The following PHF12 variants were observed in gnomAD, a reference collection of about 807,000 sequenced individuals.
The protein encoded by PHF12 is PHD factor 1.
Under a neutral mutation model 99.8 loss-of-function variants are expected in PHF12, and 6 were observed. The ratio of observed to expected loss-of-function variants is 0.06; its 90% CI spans 0.03 to 0.12. The LOEUF (loss-of-function observed/expected upper bound fraction) is 0.12. Ranked by LOEUF, PHF12 falls within the 10% of genes least tolerant of loss-of-function variation. The pLI is 1.00. For missense variants in PHF12, 954 were observed against 1,300.1 expected (o/e 0.73, Z 4.09); for synonymous variants, 480 against 514.9 (o/e 0.93, Z 0.92).
chr17:28,914,604 G>A (rs1347747598), intron 7 of PHF12, among the ~76,000 whole-genome samples: 1 of 147,564 alleles, frequency 6.8e-6, no homozygotes, highest in Non-Finnish European at 1.5e-5. Context: ...CCCGGGAGGC[G>A]GAGCTTGCAG....
Position 28,949,868 on chromosome 17 carries a change from C to T in PHF12, c.248+197G>A. 1 of 607,226 alleles carries T rather than the reference C, an allele frequency of 1.6e-6. No homozygotes were observed. Among genetic ancestry groups the T allele is most frequent in the South Asian group, 2.1e-5 (1 of 47,630 alleles). 37.6% of individuals were successfully genotyped at this position (607,226 alleles called of 1,614,324 possible). The stretch of plus-strand genomic sequence containing the variant: ...CCCAACCCCCACCTCGGGGTCCGGA[C>T]CCACCGCTGCTCCTCCCCGCTAAAC... On this transcript the variant is annotated intron_variant, in intron 2 of 14. Coordinates refer to ENST00000332830, the MANE Select transcript of PHF12 (RefSeq NM_001033561.2). The surrounding 1 kb of genome is among the most constrained non-coding windows in gnomAD (Gnocchi z 4.6).
At chr17:28,911,371 T>TA in intron 9 of PHF12, 134 bp from the exon 10 acceptor site, 1 of 1,265,694 alleles carries the variant, frequency 7.9e-7, no homozygotes, top group Non-Finnish European at 1.1e-6. Context: ...CCATAGGCTC[T>TA]GGAACTCCTA....
rs568476064 is a variant in PHF12 at position 28,929,316 on chromosome 17, C to A, written c.249-2253G>T. On this transcript the variant is annotated intron_variant, in intron 2 of 14. Transcript: ENST00000332830. ...GGAGTGCAATGGTGCGATCTTGGCT[C>A]ACTGCAACCTCCGCCTCCCATGTTC... 5.9e-5 allele frequency among the ~76,000 whole-genome samples: 9 copies of A among 151,352 alleles called. No individual in the cohort carries two copies. The South Asian group carries it at 1.7e-3, about 28-fold the overall frequency.
At chr17:28,946,882 T>C (rs1445308154) in intron 2 of PHF12, among the ~76,000 whole-genome samples, 1 of 152,054 alleles carries the variant, frequency 6.6e-6, no homozygotes, top group Non-Finnish European at 1.5e-5. Flanking sequence ...AAATTATCAT[T>C]ATCATGCCTA....
intron 2 of PHF12, among the ~76,000 whole-genome samples, chr17:28,948,838 C>T (rs1247145788): frequency 6.7e-6 from 1 of 148,664 alleles, no homozygotes; most frequent in Non-Finnish European, 1.5e-5. Flanking sequence ...TCCAGTCTGG[C>T]TCCTCTCTCA....
At position 28,950,359 on chromosome 17, in the gene PHF12, C is replaced by G; in HGVS notation, c.67-113G>C. 1 of 1,214,372 alleles carries G rather than the reference C, an allele frequency of 8.2e-7. No homozygotes were observed. 75.2% of individuals were successfully genotyped at this position (1,214,372 alleles called of 1,614,324 possible). ...CCCTCTCCCCCCTTTTGTCCTTCTT[C>G]CTCCCATCCAGGCTGCTCCCAGAAT... On this transcript the variant is annotated intron_variant, in intron 1 of 14. Coordinates refer to ENST00000332830, the MANE Select transcript of PHF12 (RefSeq NM_001033561.2). The surrounding 1 kb of genome is among the most constrained non-coding windows in gnomAD (Gnocchi z 5.7).
chr17:28,910,334 T>C lies in PHF12; in HGVS notation c.2251A>G (p.Lys751Glu). The C allele has an allele frequency of 1.2e-6, 2 of 1,613,872 alleles. No homozygotes were observed. The highest frequency in any genetic ancestry group is 1.7e-5 in the Admixed American group (1 of 60,022). The change falls in exon 11 of 15, where the codon AAG becomes GAG. Residue 751 changes from lysine (K) to glutamate (E), a missense_variant. By Grantham distance (56) the Lys-to-Glu change is moderately conservative (BLOSUM62 1). Coordinates refer to ENST00000332830, the MANE Select transcript of PHF12 (RefSeq NM_001033561.2). ...EINMLDEKLI[K>E]FLALQRIHQL... ...TGTATTCTCTGCAAGGCCAGAAACT[T>C]GATCAGCTTCTCGTCCAGCATATTT...
intron 3 of PHF12, 47 bp downstream of exon 3, chr17:28,926,944 C>T (rs1233444530): frequency 1.9e-6 from 3 of 1,610,170 alleles, no homozygotes; most frequent in African/African-American, 1.3e-5. Flanking sequence ...CATATCAGTG[C>T]TCTGGATCAG....
intron 2 of PHF12, chr17:28,945,469 G>A (rs780804211): frequency 6.6e-6 from 1 of 152,080 alleles, no homozygotes; most frequent in Non-Finnish European, 1.5e-5. Context: ...AATATAACAC[G>A]CGGAGGCAAA....
intron 2 of PHF12, among the ~76,000 whole-genome samples, chr17:28,936,135 A>AC (rs2040504720): frequency 6.6e-6 from 1 of 152,250 alleles, no homozygotes; most frequent in Non-Finnish European, 1.5e-5. Flanking sequence ...CAAGTCATAT[A>AC]CCAGTGTGGT....
intron 11 of PHF12, chr17:28,909,213 A>G (rs567148469): frequency 2.0e-4 from 52 of 266,496 alleles, no homozygotes; most frequent in African/African-American, 1.1e-3. Context: ...AACAGACGGC[A>G]TGGACCAGTG....
intron 12 of PHF12, chr17:28,907,983 C>T: frequency 4.3e-6 from 1 of 231,026 alleles, no homozygotes; most frequent in Non-Finnish European, 8.7e-6. Flanking sequence ...GGGTGCAGAG[C>T]CTAGAAAATC....
chr17:28,925,389 A>G (rs1477870015), intron 3 of PHF12: 6 of 152,272 alleles, frequency 3.9e-5, no homozygotes, highest in African/African-American at 1.4e-4. Flanking sequence ...ACTACGAATC[A>G]TGATAGGGCC....
chr17:28,911,000 G>T (rs1567948664), intron 10 of PHF12, 112 bp downstream of exon 10: 1 of 1,473,514 alleles, frequency 6.8e-7, no homozygotes, highest in Non-Finnish European at 9.2e-7. Flanking sequence ...CTCCCCCTAG[G>T]CCTCTGGGAT....
intron 2 of PHF12, among the ~76,000 whole-genome samples, chr17:28,940,122 C>T (rs1202273475): frequency 6.6e-6 from 1 of 152,192 alleles, no homozygotes; most frequent in Admixed American, 6.5e-5. Flanking sequence ...ACCAAAGTCA[C>T]TAACTTAAAA....
chr17:28,946,144 A>C (rs951878131), intron 2 of PHF12, among the ~76,000 whole-genome samples: 26 of 152,300 alleles, frequency 1.7e-4, no homozygotes, highest in African/African-American at 5.8e-4. Context: ...AAAAACAAAA[A>C]CAAAAACACC....
chr17:28,923,831 C>A, intron 4 of PHF12, 78 bp downstream of exon 4: 13 of 1,479,388 alleles, frequency 8.8e-6, no homozygotes, highest in African/African-American at 1.4e-5. Flanking sequence ...AACAGTGACT[C>A]CACAGGCAGC....
In PHF12 at chr17:28,910,383, A is replaced by G. The variant is rs1221573322; in HGVS notation, c.2216-14T>C. 6.2e-7 allele frequency: 1 copy of G among 1,601,406 alleles called. No homozygotes were observed. Among genetic ancestry groups the G allele is most frequent in the African/African-American group, 1.3e-5 (1 of 74,538 alleles). On this transcript the variant is annotated splice_polypyrimidine_tract_variant and intron_variant, in intron 10 of 14. Transcript: ENST00000332830. ...TTATCTCGATTTCTATTAGCCAAAG[A>G]GAAAGATTAAAAAGCAGCTGAGATG...
chr17:28,912,360 C>A, intron 9 of PHF12, 122 bp downstream of exon 9: 1 of 1,426,752 alleles, frequency 7.0e-7, no homozygotes, highest in Non-Finnish European at 9.2e-7. Flanking sequence ...GAGAGTAAGA[C>A]AAACAATACA....
Sources: gnomAD v4.1 joint callset for allele counts (sites outside exome capture counted in the v4.1 genomes callset) on GRCh38, gnomAD v4.1.1 for gene constraint, Gnocchi (gnomAD v3.1) non-coding constraint, MANE v1.5 for transcripts, NCBI Gene and HGNC (gene_info 2026-07-23, HGNC 2026-07-21) for gene names.